HNF4A: variants seen among roughly 807,000 people sequenced by gnomAD.
HNF4A encodes hepatocyte nuclear factor 4-alpha.
Under a neutral mutation model 52.4 loss-of-function variants are expected in HNF4A, and 15 were observed. That is an observed-to-expected ratio of 0.29 (90% CI 0.19 to 0.44). The LOEUF (loss-of-function observed/expected upper bound fraction) is 0.44, where lower values mean the gene tolerates loss of function less well. HNF4A is among the 20% of genes least tolerant of loss of function. The pLI, the probability that HNF4A is intolerant of heterozygous loss-of-function variation, is 1.00. For missense variants in HNF4A, 479 were observed against 647.2 expected, an observed-to-expected ratio of 0.74 and a Z score of 2.82; for synonymous variants, 280 against 264.4, an observed-to-expected ratio of 1.06 and a Z score of -0.57.
chr20:44,360,559 GA>G (rs1393268634), intron 1 of HNF4A, among the ~76,000 whole-genome samples: 1 of 152,156 alleles, frequency 6.6e-6, no homozygotes, highest in East Asian at 1.9e-4. Context: ...GTGGGTTGAT[GA>G]AAAGATGGAT....
At chr20:44,401,110 C>A, upstream of HNF4A, 2 of 696,802 alleles carry the variant, frequency 2.9e-6, no homozygotes, top group Non-Finnish European at 3.5e-6. Context: ...AGCCAGAAAC[C>A]AACAAACAGC....
intron 1 of HNF4A, among the ~76,000 whole-genome samples, chr20:44,363,389 G>A (rs1198841446): frequency 6.6e-6 from 1 of 152,150 alleles, no homozygotes; most frequent in Non-Finnish European, 1.5e-5. Context: ...CATTTTGGCT[G>A]TTGTAGAAAC....
intron 3 of HNF4A, among the ~76,000 whole-genome samples, chr20:44,412,489 G>A (rs1339338312): frequency 1.3e-5 from 2 of 152,092 alleles, no homozygotes; most frequent in African/African-American, 4.8e-5. Context: ...GCGGGTTTTC[G>A]CGGACAGAGT....
intron 1 of HNF4A, 144 bp downstream of exon 1, chr20:44,355,997 T>C (rs1882540716): frequency 4.3e-6 from 3 of 703,406 alleles, no homozygotes; most frequent in Non-Finnish European, 7.2e-6. Context: ...ACGGAGGCAA[T>C]GTGACCGCTT....
At chr20:44,378,789 C>T (rs112054269) in intron 1 of HNF4A, among the ~76,000 whole-genome samples, 2,560 of 151,508 alleles carry the variant, frequency 0.017, 67 homozygotes, top group African/African-American at 0.057. Flanking sequence ...CGTGGTGGTG[C>T]GTGCCTGTAA....
chr20:44,417,561 A>G (rs1330432541), intron 5 of HNF4A, among the ~76,000 whole-genome samples: 2 of 152,168 alleles, frequency 1.3e-5, no homozygotes, highest in Non-Finnish European at 2.9e-5. Context: ...GATCTGCCAG[A>G]CCAATGATTT....
intron 1 of HNF4A, among the ~76,000 whole-genome samples, chr20:44,365,692 C>T (rs1002592802): frequency 2.0e-5 from 3 of 152,210 alleles, no homozygotes; most frequent in South Asian, 2.1e-4. Context: ...TATAAGTAGA[C>T]TAAAACAATA....
Position 44,429,736 on chromosome 20 carries a change from G to A in HNF4A, c.*71G>A. On this transcript the variant is annotated 3_prime_UTR_variant, in exon 10 of 10. Coordinates refer to ENST00000316099, the MANE Select transcript of HNF4A (RefSeq NM_000457.6). ...TAAGAGAGCACCTGGTGATCACGTG[G>A]TCACGGCAAAGGAAGACGTGATGCC... is the stretch of plus-strand genomic sequence containing the variant. 1 of 1,502,648 alleles carries A rather than the reference G, an allele frequency of 6.7e-7. No individual in the cohort carries two copies. The highest frequency in any genetic ancestry group is 9.2e-7 in the Non-Finnish European group (1 of 1,081,340). 93.1% of individuals were successfully genotyped at this position (1,502,648 alleles called of 1,614,324 possible). A position where few individuals can be genotyped will look rare whatever the true frequency, so the allele number is the denominator to read the frequency against.
In HNF4A at chr20:44,430,982, A is replaced by C. The variant is rs2063871244; in HGVS notation, c.*1317A>C. On this transcript the variant is annotated 3_prime_UTR_variant, in exon 10 of 10. Transcript: ENST00000316099. ...CCTCCCTTCCTCCCTATTAACCTAGAGATTGTTTTTGTTTTTTATTCTCCT... is the reference window on the plus strand; with the variant it reads ...CCTCCCTTCCTCCCTATTAACCTAGCGATTGTTTTTGTTTTTTATTCTCCT... 1 of 151,856 alleles carries C rather than the reference A, an allele frequency of 6.6e-6. No homozygotes were observed. The highest frequency in any genetic ancestry group is 1.5e-5 in the Non-Finnish European group (1 of 67,994). The allele number at this position is 151,856 out of a possible 1,614,324, so 9.4% of individuals were successfully genotyped here.
intron 1 of HNF4A, among the ~76,000 whole-genome samples, chr20:44,387,288 T>TAAA (rs537843651): frequency 1.1e-3 from 87 of 81,790 alleles, no homozygotes; most frequent in East Asian, 1.5e-3. Flanking sequence ...AACTTCATCT[T>TAAA]AAAAAAAAAA....
rs564139015 is a variant in HNF4A at position 44,405,249 on chromosome 20, A to AT, written c.116-802dup. ...AAATAAAGGGGGTTCAGCTGCTGCT[A>AT]TTTTTTTAAATTTGGAAACAAATTT... is the stretch of plus-strand genomic sequence containing the variant. On this transcript the variant is annotated intron_variant, in intron 1 of 9. Coordinates refer to ENST00000316099, the MANE Select transcript of HNF4A (RefSeq NM_000457.6). 3.9e-3 allele frequency among the ~76,000 whole-genome samples: 600 copies of AT among 151,992 alleles called. 1 individual carries two copies. The highest frequency in any genetic ancestry group is 0.013 in the African/African-American group (527 of 41,464).
chr20:44,401,501 G>T, intron 1 of HNF4A: 1 of 1,614,142 alleles, frequency 6.2e-7, no homozygotes, highest in Non-Finnish European at 8.5e-7. Flanking sequence ...GGTGGGGGCA[G>T]ATGTGCCCAG....
intron 3 of HNF4A, among the ~76,000 whole-genome samples, chr20:44,409,731 A>G (rs1350699250): frequency 6.6e-6 from 1 of 152,132 alleles, no homozygotes; most frequent in Admixed American, 6.5e-5. Flanking sequence ...AAATGAGGAC[A>G]TTGGATAATG....
chr20:44,392,623 T>A (rs1389610069), intron 1 of HNF4A, among the ~76,000 whole-genome samples: 1 of 152,188 alleles, frequency 6.6e-6, no homozygotes, highest in East Asian at 1.9e-4. Flanking sequence ...GGATTATAGG[T>A]GTAAGCCACC....
At chr20:44,386,021 G>C (rs924058738) in intron 1 of HNF4A, among the ~76,000 whole-genome samples, 5 of 130,972 alleles carry the variant, frequency 3.8e-5, no homozygotes, top group Non-Finnish European at 8.2e-5. Context: ...CATCACGCCT[G>C]GCTAATTTTT....
At chr20:44,356,990 G>C (rs922671754) in intron 1 of HNF4A, among the ~76,000 whole-genome samples, 2 of 152,120 alleles carry the variant, frequency 1.3e-5, no homozygotes. Context: ...GGTGGATGCC[G>C]TGGGGAACAA....
intron 3 of HNF4A, among the ~76,000 whole-genome samples, chr20:44,412,884 C>T (rs530809898): frequency 7.9e-5 from 12 of 152,224 alleles, no homozygotes; most frequent in African/African-American, 2.4e-4. Flanking sequence ...AGAGAGGCTG[C>T]GATTGCCACC....
rs1332586760 is a variant in HNF4A, at chr20:44,429,955, C to G, written c.*290C>G. On this transcript the variant is annotated 3_prime_UTR_variant, in exon 10 of 10. Transcript: ENST00000316099. Reference sequence around the variant, plus strand: ...CCTTCACCTTCATCCATGTCCAACCCCCGACTTCATCCCAAAGGACAGCCG... The same window carrying G: ...CCTTCACCTTCATCCATGTCCAACCGCCGACTTCATCCCAAAGGACAGCCG... 2.3e-6 allele frequency: 1 copy of G among 443,292 alleles called. No homozygotes were observed. Among genetic ancestry groups the G allele is most frequent in the Non-Finnish European group, 4.1e-6 (1 of 245,556 alleles). 27.5% of individuals were successfully genotyped at this position (443,292 alleles called of 1,614,324 possible). A position where few individuals can be genotyped will look rare whatever the true frequency, so the allele number is the denominator to read the frequency against.
At chr20:44,422,926 G>A (rs902940872) in intron 7 of HNF4A, among the ~76,000 whole-genome samples, 4 of 151,524 alleles carry the variant, frequency 2.6e-5, no homozygotes, top group African/African-American at 4.8e-5. Flanking sequence ...TGATCCCCCC[G>A]CCTCGGCCTC....
Sources: allele counts gnomAD v4.1 joint callset (sites outside exome capture counted in the v4.1 genomes callset), GRCh38; gene constraint gnomAD v4.1.1; transcripts MANE v1.5; gene names NCBI Gene and HGNC (gene_info 2026-07-23, HGNC 2026-07-21).